The following NEDD4 variants were observed in gnomAD, a reference collection of about 807,000 sequenced individuals.
NEDD4 encodes the protein E3 ubiquitin-protein ligase NEDD4.
Under a neutral mutation model 144.9 loss-of-function variants are expected in NEDD4, and 99 were observed. That is an observed-to-expected ratio of 0.68 (90% CI 0.58 to 0.81). The LOEUF (loss-of-function observed/expected upper bound fraction) is 0.81. NEDD4 is among the 30% of genes least tolerant of loss of function. The probability of loss-of-function intolerance (pLI) is 0.00; values close to 1 mark genes in which losing one functional copy is unlikely to be tolerated. For synonymous variants in NEDD4, 318 were observed against 350.6 expected, an observed-to-expected ratio of 0.91 and a Z score of 1.04; for missense variants, 985 against 1,065.9, an observed-to-expected ratio of 0.92 and a Z score of 1.06.
chr15:55,879,150 T>C (rs1203325847), intron 5 of NEDD4, among the ~76,000 whole-genome samples: 1 of 152,048 alleles, frequency 6.6e-6, no homozygotes, highest in Non-Finnish European at 1.5e-5. Flanking sequence ...AAAAAGAAGA[T>C]ACAAAAGAGT....
intron 5 of NEDD4, among the ~76,000 whole-genome samples, chr15:55,878,362 T>C (rs2035066683): frequency 6.6e-6 from 1 of 152,064 alleles, no homozygotes; most frequent in Admixed American, 6.6e-5. Context: ...GGCATAAGAC[T>C]TGAACAGATA....
At chr15:55,925,961 T>C (rs925699726) in intron 4 of NEDD4, among the ~76,000 whole-genome samples, 1 of 151,124 alleles carries the variant, frequency 6.6e-6, no homozygotes, top group South Asian at 2.1e-4. Context: ...TATCATACAG[T>C]ATGTATATGT....
At chr15:55,953,344 T>C (rs2037279129) in intron 2 of NEDD4, among the ~76,000 whole-genome samples, 3 of 152,130 alleles carry the variant, frequency 2.0e-5, no homozygotes, top group South Asian at 2.1e-4. Flanking sequence ...ACTATTCCTT[T>C]CTTTATTTCA....
chr15:55,830,076 C>A, intron 28 of NEDD4, 77 bp from the exon 29 acceptor site: 1 of 986,802 alleles, frequency 1.0e-6, no homozygotes, highest in Non-Finnish European at 1.5e-6. Context: ...AGCAATGCTG[C>A]TATTCTTGAT....
At chr15:55,869,032 T>A (rs1330711762) in intron 8 of NEDD4, among the ~76,000 whole-genome samples, 1 of 152,184 alleles carries the variant, frequency 6.6e-6, no homozygotes, top group African/African-American at 2.4e-5. Flanking sequence ...TTACTCCAGA[T>A]GCATGTAACT....
chr15:55,827,994 G>C lies in NEDD4; in HGVS notation c.*1903C>G, dbSNP rs1255810451. The C allele has an allele frequency of 2.0e-5, 3 of 152,218 alleles. No homozygotes were observed. The highest frequency in any genetic ancestry group is 7.2e-5 in the African/African-American group (3 of 41,468). The allele number at this position is 152,218 out of a possible 1,614,324, so 9.4% of individuals were successfully genotyped here. A position where few individuals can be genotyped will look rare whatever the true frequency, so the allele number is the denominator to read the frequency against. ...TGACAGATGAAGAAATATGAATCCA[G>C]AGAGGTTAAGTAAGCTGCTTCAGTT... On this transcript the variant is annotated 3_prime_UTR_variant, in exon 29 of 29. Transcript: ENST00000435532.
At chr15:55,854,317 A>G (rs2034109881) in intron 12 of NEDD4, among the ~76,000 whole-genome samples, 1 of 152,140 alleles carries the variant, frequency 6.6e-6, no homozygotes, top group Non-Finnish European at 1.5e-5. Flanking sequence ...AGTCCTACGT[A>G]CTTTGGGGAC....
chr15:55,954,085 G>T (rs58855534), intron 2 of NEDD4, among the ~76,000 whole-genome samples: 20,433 of 151,612 alleles, frequency 0.13, 1,509 homozygotes, highest in East Asian at 0.32. Flanking sequence ...CTTCCCTTTA[G>T]ATCCACTCCT....
At chr15:55,952,810 T>A (rs1303341271) in intron 2 of NEDD4, 1 of 152,170 alleles carries the variant, frequency 6.6e-6, no homozygotes, top group Admixed American at 6.5e-5. Context: ...ATAAATGTTT[T>A]TAAACTCCTC....
intron 27 of NEDD4, among the ~76,000 whole-genome samples, chr15:55,832,181 GAAAA>G (rs200591357): frequency 4.0e-5 from 5 of 124,758 alleles, no homozygotes; most frequent in Middle Eastern, 4.2e-3. Context: ...CCCCTATCTT[GAAAA>G]AAAAAAAAAA....
In NEDD4 at chr15:55,916,923, G is replaced by GA. The variant is rs148336468; in HGVS notation, c.291+7722dup. 3.2e-5 allele frequency: 48 copies of GA among 1,502,048 alleles called. No homozygotes were observed. The South Asian group carries it at 3.2e-4, about 10-fold the overall frequency. The allele number at this position is 1,502,048 out of a possible 1,614,324, so 93.0% of individuals were successfully genotyped here. A position where few individuals can be genotyped will look rare whatever the true frequency, so the allele number is the denominator to read the frequency against. On this transcript the variant is annotated intron_variant, in intron 5 of 28. Transcript: ENST00000435532. ...TAGAAGCAGCTGCACTGCATCAAAA[G>GA]AAAAAATCATTTGTGGTGCCTAAAA...
chr15:55,980,875 GTGA>G (rs2037788641), intron 1 of NEDD4, among the ~76,000 whole-genome samples: 1 of 152,020 alleles, frequency 6.6e-6, no homozygotes, highest in African/African-American at 2.4e-5. Context: ...AATTAAATTT[GTGA>G]CAGACATACA....
chr15:55,981,390 T>A (rs1443458841), intron 1 of NEDD4, among the ~76,000 whole-genome samples: 4 of 151,952 alleles, frequency 2.6e-5, no homozygotes, highest in African/African-American at 9.7e-5. Context: ...TTGAGCAACA[T>A]GCTACATCAC....
In NEDD4 at chr15:55,967,012, G is replaced by A. The variant is rs7163353; in HGVS notation, c.46-466C>T. Among the ~76,000 whole-genome samples the A allele has an allele frequency of 7.8e-3, 1,188 of 152,132 alleles. 16 individuals carry two copies. Among genetic ancestry groups the A allele is most frequent in the African/African-American group, 0.027 (1,134 of 41,496 alleles). On this transcript the variant is annotated intron_variant, in intron 1 of 28. Transcript: ENST00000435532. ...AGCGATTCTCATGCCTCAACCTCCT[G>A]AGTAGCTGAGATTACAGGCATGCGC...
At position 55,916,436 on chromosome 15, in the gene NEDD4, C is replaced by G. The variant is rs1383298197; in HGVS notation, c.291+8210G>C. The G allele has an allele frequency of 2.5e-6, 4 of 1,614,040 alleles. No homozygotes were observed. The East Asian group carries it at 6.7e-5, about 27-fold the overall frequency. On this transcript the variant is annotated intron_variant, in intron 5 of 28. Transcript: ENST00000435532. ...CAAGGTGACCATCATTCACAGCATT[C>G]AATTCATTATCGACCACAGCACTAC...
At chr15:55,933,711 G>T (rs2036828465) in intron 4 of NEDD4, among the ~76,000 whole-genome samples, 5 of 152,010 alleles carry the variant, frequency 3.3e-5, no homozygotes, top group African/African-American at 1.2e-4. Context: ...CTTTATAAGG[G>T]GTTTTCCACC....
chr15:55,898,060 A>G (rs2035794057), intron 5 of NEDD4, among the ~76,000 whole-genome samples: 1 of 152,236 alleles, frequency 6.6e-6, no homozygotes, highest in Admixed American at 6.5e-5. Flanking sequence ...CACATCCATG[A>G]GAGGTGAAAT....
At chr15:55,868,577 G>C (rs1457809616) in intron 8 of NEDD4, among the ~76,000 whole-genome samples, 1 of 152,128 alleles carries the variant, frequency 6.6e-6, no homozygotes, top group East Asian at 1.9e-4. Context: ...TCTCTTGCCT[G>C]CCACCATATA....
intron 9 of NEDD4, among the ~76,000 whole-genome samples, chr15:55,861,701 A>T (rs1322792157): frequency 6.6e-6 from 1 of 152,286 alleles, no homozygotes; most frequent in East Asian, 1.9e-4. Context: ...ATTAAAAAAA[A>T]TCAGATTGAA....
Sources: gnomAD v4.1 joint callset for allele counts (sites outside exome capture counted in the v4.1 genomes callset) on GRCh38, gnomAD v4.1.1 for gene constraint, MANE v1.5 for transcripts, NCBI Gene and HGNC (gene_info 2026-07-23, HGNC 2026-07-21) for gene names.